The following MYBBP1A variants were observed in gnomAD, a reference collection of about 807,000 sequenced individuals.
MYBBP1A encodes the protein MYB binding protein 1a, also known as myb-binding protein 1A.
A neutral mutation model predicts 136.3 loss-of-function variants in MYBBP1A; 147 were observed. The observed-to-expected ratio is 1.08, with a 90% CI of 0.94 to 1.24. The LOEUF (loss-of-function observed/expected upper bound fraction) is 1.24, where lower values mean the gene tolerates loss of function less well. Ranked by LOEUF, MYBBP1A falls within the 50% of genes most tolerant of loss-of-function variation. The pLI is 0.00. For synonymous variants in MYBBP1A, 947 were observed against 735.8 expected, an observed-to-expected ratio of 1.29 and a Z score of -4.65; for missense variants, 2,060 against 1,727.4, an observed-to-expected ratio of 1.19 and a Z score of -3.41.
Position 4,552,365 on chromosome 17 carries a change from AC to A in MYBBP1A, c.738-74del. ...CCAGGGTGACAAGAGCAGCCGGGACACCCCCAGGCCAAACGACAAATCTGGG... is the reference window on the plus strand; with the variant it reads ...CCAGGGTGACAAGAGCAGCCGGGACACCCCAGGCCAAACGACAAATCTGGG... On this transcript the variant is annotated intron_variant, in intron 6 of 25. Transcript: ENST00000254718. This position sits in a 1 kb window ranked among gnomAD's most constrained non-coding sequence, Gnocchi z 4.7. 6.2e-7 allele frequency: 1 copy of A among 1,603,962 alleles called. No individual in the cohort carries two copies. Among genetic ancestry groups the A allele is most frequent in the Non-Finnish European group, 8.5e-7 (1 of 1,175,520 alleles).
chr17:4,555,144 G>T lies in MYBBP1A; in HGVS notation c.181C>A (p.Leu61Met), dbSNP rs767326810. 3 of 1,596,834 alleles carry T rather than the reference G, an allele frequency of 1.9e-6. No homozygotes were observed. Among genetic ancestry groups the T allele is most frequent in the Non-Finnish European group, 2.6e-6 (3 of 1,171,602 alleles). The change falls in exon 1 of 26, where the codon CTG (leucine) becomes ATG (methionine). Residue 61 changes from leucine to methionine, a missense_variant. Physicochemically the swap from Leu to Met is conservative, Grantham distance 15. Coordinates refer to ENST00000254718, the MANE Select transcript of MYBBP1A (RefSeq NM_014520.4). Reference protein sequence around the residue: ...LAATEKLLEYLRGRPKGSEMK... With the variant: ...LAATEKLLEYMRGRPKGSEMK... The stretch of plus-strand genomic sequence containing the variant: ...CACTCCACCTTCGGCCTGCCACGCA[G>T]ATACTCCAGCAGCTTCTCCGTGGCC...
Position 4,541,545 on chromosome 17 carries a change from T to C in MYBBP1A, c.3215A>G (p.Glu1072Gly). 1.2e-6 allele frequency: 2 copies of C among 1,612,758 alleles called. No homozygotes were observed. Among genetic ancestry groups the C allele is most frequent in the Non-Finnish European group, 1.7e-6 (2 of 1,179,998 alleles). ...KVTENLRVLG[E>G]AQTKAQHQQA... is the part of the protein sequence containing the mutation. Reference sequence around the variant, plus strand: ...CTGATGCTGCGCCTTGGTCTGCGCCTCCCCCAGCACGCGCAAGTTCTAGGG... The same window carrying C: ...CTGATGCTGCGCCTTGGTCTGCGCCCCCCCCAGCACGCGCAAGTTCTAGGG... Residue 1072 changes from glutamate to glycine, a missense_variant, in exon 24 of 26, where the codon GAG becomes GGG. Glu to Gly is a moderately conservative substitution (Grantham distance 98, BLOSUM62 -2). Coordinates refer to ENST00000254718, the MANE Select transcript of MYBBP1A (RefSeq NM_014520.4).
At chr17:4,543,799 C>T (rs943550192) in intron 19 of MYBBP1A, among the ~76,000 whole-genome samples, 1 of 152,284 alleles carries the variant, frequency 6.6e-6, no homozygotes, top group Admixed American at 6.5e-5. Context: ...CCGCCTCCCT[C>T]CTGGGCCCTC....
chr17:4,542,033 C>A (rs1184499440), intron 22 of MYBBP1A, 142 bp from the exon 23 acceptor site: 7 of 643,400 alleles, frequency 1.1e-5, no homozygotes, highest in Non-Finnish European at 1.9e-5. Flanking sequence ...TCTGTGACTA[C>A]CTGCTCCTGT....
chr17:4,541,630 G>C, intron 23 of MYBBP1A, 66 bp from the exon 24 acceptor site: 2 of 1,549,820 alleles, frequency 1.3e-6, no homozygotes, highest in South Asian at 2.2e-5. Context: ...TTTCCCAGCC[G>C]GAAGTAAAGC....
chr17:4,547,699 A>G, intron 13 of MYBBP1A: 2 of 421,380 alleles, frequency 4.7e-6, no homozygotes, highest in Non-Finnish European at 8.4e-6. Context: ...TCTCCATGTC[A>G]AACATGGAGA....
In MYBBP1A at chr17:4,552,006, G is replaced by C; in HGVS notation, c.906-9C>G. On this transcript the variant is annotated splice_polypyrimidine_tract_variant and intron_variant, in intron 7 of 25. Transcript: ENST00000254718. This position sits in a 1 kb window ranked among gnomAD's most constrained non-coding sequence, Gnocchi z 4.7. ...GGCGGAAACACAGGTAGCTAAAGGG[G>C]GTGCAGGACAGAGCCTGGTCAGAGC... The C allele has an allele frequency of 1.2e-6, 2 of 1,604,328 alleles. No homozygotes were observed. The highest frequency in any genetic ancestry group is 1.7e-6 in the Non-Finnish European group (2 of 1,173,122).
rs182998174 is a variant in MYBBP1A at position 4,552,595 on chromosome 17, G to A, written c.593C>T (p.Pro198Leu). ...VSKATLQEIL[P>L]EVLKADLNII... ...ATTCAAGTCGGCTTTGAGGACCTCC[G>A]GCAGGATCTCCTGCAATGTGGCCTT... Residue 198 changes from proline (P) to leucine (L), a missense_variant, in exon 6 of 26, where the codon CCG becomes CTG. Physicochemically the swap from Pro to Leu is moderately conservative, Grantham distance 98. Coordinates refer to ENST00000254718, the MANE Select transcript of MYBBP1A (RefSeq NM_014520.4). This position sits in a 1 kb window ranked among gnomAD's most constrained non-coding sequence, Gnocchi z 4.7. 5.5e-5 allele frequency: 89 copies of A among 1,613,624 alleles called. No individual in the cohort carries two copies. The highest frequency in any genetic ancestry group is 1.3e-4 in the East Asian group (6 of 44,882).
intron 24 of MYBBP1A, 74 bp downstream of exon 24, chr17:4,541,389 G>T: frequency 7.7e-7 from 1 of 1,303,790 alleles, no homozygotes; most frequent in Non-Finnish European, 1.1e-6. Context: ...CCCGGGCATG[G>T]CACTGCTGGC....
chr17:4,552,512 G>C lies in MYBBP1A; in HGVS notation c.676C>G (p.Pro226Ala). The C allele has an allele frequency of 6.2e-7, 1 of 1,613,920 alleles. No homozygotes were observed. Among genetic ancestry groups the C allele is most frequent in the African/African-American group, 1.3e-5 (1 of 75,060 alleles). The change falls in exon 6 of 26, where the codon CCC becomes GCC. Residue 226 changes from proline (P) to alanine (A), a missense_variant. Coordinates refer to ENST00000254718, the MANE Select transcript of MYBBP1A (RefSeq NM_014520.4). This position sits in a 1 kb window ranked among gnomAD's most constrained non-coding sequence, Gnocchi z 4.7. The part of the protein sequence containing the change: ...ELFLLAQQKV[P>A]SKLKKLVGSV... ...CCCACCAGCTTCTTGAGCTTGGAGG[G>C]CACCTTCTGCTGGGCCAGGAGGAAG...
At chr17:4,546,694 C>T (rs1449516718) in intron 13 of MYBBP1A, among the ~76,000 whole-genome samples, 1 of 152,204 alleles carries the variant, frequency 6.6e-6, no homozygotes, top group African/African-American at 2.4e-5. Context: ...TAACCCCAGA[C>T]TCGAGTGAGG....
chr17:4,544,332 G>A (rs992453699), intron 19 of MYBBP1A, among the ~76,000 whole-genome samples, 157 bp downstream of exon 19: 7 of 152,206 alleles, frequency 4.6e-5, no homozygotes, highest in Non-Finnish European at 7.4e-5. Flanking sequence ...ACTAAGTGAC[G>A]TGTGCCTCTA....
Position 4,548,623 on chromosome 17 carries a change from A to G in MYBBP1A, c.1457T>C (p.Val486Ala). Residue 486 changes from valine to alanine, a missense_variant, in exon 11 of 26, where the codon GTC becomes GCC. Transcript: ENST00000254718. This position sits in a 1 kb window ranked among gnomAD's most constrained non-coding sequence, Gnocchi z 4.2. ...ARFCLFHSFF[V>A]TKKPTSQIPE... ...GATCTGGGATGTGGGCTTCTTTGTG[A>G]CAAAGAACGAGTGGAACAAACAAAA... 1 of 1,614,170 alleles carries G rather than the reference A, an allele frequency of 6.2e-7. No homozygotes were observed. Among genetic ancestry groups the G allele is most frequent in the Non-Finnish European group, 8.5e-7 (1 of 1,180,032 alleles).
Position 4,552,488 on chromosome 17 carries a change from C to T in MYBBP1A, c.700G>A (p.Gly234Arg). Residue 234 changes from glycine (G) to arginine (R), a missense_variant, in exon 6 of 26, where the codon GGA becomes AGA. Coordinates refer to ENST00000254718, the MANE Select transcript of MYBBP1A (RefSeq NM_014520.4). This position sits in a 1 kb window ranked among gnomAD's most constrained non-coding sequence, Gnocchi z 4.7. Reference protein sequence around the residue: ...KVPSKLKKLVGSVNLFSDENV... With the variant: ...KVPSKLKKLVRSVNLFSDENV... Reference sequence around the variant, plus strand: ...TCATCTGAGAATAGGTTCACGGATCCCACCAGCTTCTTGAGCTTGGAGGGC... The same window carrying T: ...TCATCTGAGAATAGGTTCACGGATCTCACCAGCTTCTTGAGCTTGGAGGGC... 6.2e-7 allele frequency: 1 copy of T among 1,613,728 alleles called. No homozygotes were observed. The highest frequency in any genetic ancestry group is 8.5e-7 in the Non-Finnish European group (1 of 1,180,024).
intron 25 of MYBBP1A, 113 bp downstream of exon 25, chr17:4,540,217 CATGTGTGTGCAGCAGCAT>C (rs1320271439): frequency 1.5e-6 from 2 of 1,320,400 alleles, no homozygotes; most frequent in African/African-American, 3.1e-5. Context: ...CGCTTGAGTG[CATGTGTGTGCAGCAGCAT>C]GCGTGTGCAG....
chr17:4,551,581 C>T (rs113245632), intron 8 of MYBBP1A, among the ~76,000 whole-genome samples: 25,113 of 152,102 alleles, frequency 0.17, 2,777 homozygotes, highest in East Asian at 0.5. Flanking sequence ...TGGTATTGGG[C>T]GCCTGTAATC....
intron 19 of MYBBP1A, among the ~76,000 whole-genome samples, chr17:4,543,753 C>G (rs968614233): frequency 6.6e-6 from 1 of 152,068 alleles, no homozygotes; most frequent in Non-Finnish European, 1.5e-5. Flanking sequence ...GAAGGCAGGT[C>G]TACCAGGTGC....
At chr17:4,540,618 T>A in intron 24 of MYBBP1A, 134 bp from the exon 25 acceptor site, 1 of 1,123,896 alleles carries the variant, frequency 8.9e-7, no homozygotes, top group South Asian at 2.0e-5. Flanking sequence ...AGCCTCTCCT[T>A]CTGCCTGTTA....
Position 4,549,349 on chromosome 17 carries a change from C to T in MYBBP1A, c.1413G>A (p.Leu471=). 1.2e-6 allele frequency: 2 copies of T among 1,612,306 alleles called. No individual in the cohort carries two copies. The highest frequency in any genetic ancestry group is 2.2e-5 in the East Asian group (1 of 44,884). ...GCTCGCACCTGGCCACCTGCTCAGTCAAGGCCTCCTCCATCTCCAGGTGCA... is the reference window on the plus strand; with the variant it reads ...GCTCGCACCTGGCCACCTGCTCAGTTAAGGCCTCCTCCATCTCCAGGTGCA... The part of the protein sequence containing the change: ...DSLHLEMEEA[L]TEQVARFCLF... The change falls in exon 10 of 26, where the codon TTG becomes TTA. Residue 471 remains leucine (L), a synonymous_variant. Coordinates refer to ENST00000254718, the MANE Select transcript of MYBBP1A (RefSeq NM_014520.4).
Sources: gnomAD v4.1 joint callset for allele counts (sites outside exome capture counted in the v4.1 genomes callset) on GRCh38, gnomAD v4.1.1 for gene constraint, Gnocchi (gnomAD v3.1) non-coding constraint, MANE v1.5 for transcripts, NCBI Gene and HGNC (gene_info 2026-07-23, HGNC 2026-07-21) for gene names.